Variants in SLC12A2 observed in about 807,000 individuals in gnomAD.
The protein encoded by SLC12A2 is solute carrier family 12 member 2, also known as Na-K-2Cl cotransporter 1.
In SLC12A2, 67 loss-of-function variants were observed where a neutral mutation model predicts 136.3. The observed-to-expected ratio is 0.49, with a 90% CI of 0.40 to 0.60. The LOEUF (loss-of-function observed/expected upper bound fraction) is 0.60, where lower values mean the gene tolerates loss of function less well. Among genes scored for constraint, SLC12A2 ranks in the 20% least tolerant of loss-of-function variants. The pLI, the probability that SLC12A2 is intolerant of heterozygous loss-of-function variation, is 0.00. For synonymous variants in SLC12A2, 619 were observed against 562.9 expected (o/e 1.10, Z -1.41); for missense variants, 1,322 against 1,534.7 (o/e 0.86, Z 2.32).
chr5:128,161,294 A>T lies in SLC12A2; in HGVS notation c.2476-366A>T, dbSNP rs983144550. Among the ~76,000 whole-genome samples, 10 of 152,334 alleles carry T rather than the reference A, an allele frequency of 6.6e-5. No homozygotes were observed. In the South Asian group the frequency reaches 8.3e-4, roughly 13 times the overall value. On this transcript the variant is annotated intron_variant, in intron 16 of 26. Coordinates refer to ENST00000262461, the MANE Select transcript of SLC12A2 (RefSeq NM_001046.3). ...AATAACACAGACATTTGGGAGTAAC[A>T]AAAACAAAACTAGGGAAACTTTCTG...
intron 15 of SLC12A2, among the ~76,000 whole-genome samples, chr5:128,155,292 G>A (rs541768380): frequency 7.9e-6 from 1 of 127,324 alleles, no homozygotes; most frequent in East Asian, 2.2e-4. Flanking sequence ...CCACAGATAA[G>A]GGGGGCTAGT....
At position 128,127,738 on chromosome 5, in the gene SLC12A2, T is replaced by G. The variant is rs548695979; in HGVS notation, c.1049-3329T>G. Among the ~76,000 whole-genome samples, 145 of 152,252 alleles carry G rather than the reference T, an allele frequency of 9.5e-4. 1 individual carries two copies. Among genetic ancestry groups the G allele is most frequent in the African/African-American group, 3.3e-3 (139 of 41,564 alleles). On this transcript the variant is annotated intron_variant, in intron 4 of 26. Coordinates refer to ENST00000262461, the MANE Select transcript of SLC12A2 (RefSeq NM_001046.3). Reference sequence around the variant, plus strand: ...TAATCAAGTCATTTAATATATTACCTTCTTAACTTTTTGATGCAATAGGAT... The same window carrying G: ...TAATCAAGTCATTTAATATATTACCGTCTTAACTTTTTGATGCAATAGGAT...
chr5:128,155,370 G>A (rs1002383608), intron 15 of SLC12A2, among the ~76,000 whole-genome samples: 20 of 151,986 alleles, frequency 1.3e-4, no homozygotes, highest in Non-Finnish European at 2.9e-5. Flanking sequence ...CCTACCACAT[G>A]CATGCATCCT....
chr5:128,084,527 C>CAGT lies in SLC12A2; in HGVS notation c.573_574insAGT (p.Gly191_Gly192insSer). 1 of 1,613,620 alleles carries CAGT rather than the reference C, an allele frequency of 6.2e-7. No individual in the cohort carries two copies. Among genetic ancestry groups the CAGT allele is most frequent in the Middle Eastern group, 1.6e-4 (1 of 6,062 alleles). ...GCAGCCTGCACTCCGGCGGCGGCGGCGGCAGTGGGCACCACCAGCACTACT... is the reference window on the plus strand; with the variant it reads ...GCAGCCTGCACTCCGGCGGCGGCGGCAGTGGCAGTGGGCACCACCAGCACTACT... On this transcript the variant is annotated inframe_insertion, in exon 1 of 27. Coordinates refer to ENST00000262461, the MANE Select transcript of SLC12A2 (RefSeq NM_001046.3). This position sits in a 1 kb window ranked among gnomAD's most constrained non-coding sequence, Gnocchi z 5.6.
chr5:128,166,942 G>A (rs1763224264), intron 17 of SLC12A2, among the ~76,000 whole-genome samples: 1 of 151,904 alleles, frequency 6.6e-6, no homozygotes, highest in South Asian at 2.1e-4. Flanking sequence ...CTCTGTGTCT[G>A]CAGGTTCCAC....
intron 7 of SLC12A2, among the ~76,000 whole-genome samples, chr5:128,136,221 A>T (rs1177959582): frequency 6.6e-6 from 1 of 152,100 alleles, no homozygotes; most frequent in Non-Finnish European, 1.5e-5. Context: ...TCAAGAGTGC[A>T]GGCCATTTGA....
chr5:128,110,507 A>G, intron 1 of SLC12A2: 2 of 1,433,208 alleles, frequency 1.4e-6, no homozygotes, highest in South Asian at 1.1e-5. Context: ...TTCTTCTTTA[A>G]ACATGATGAA....
chr5:128,099,753 C>T (rs914006632), intron 1 of SLC12A2, among the ~76,000 whole-genome samples: 3 of 152,056 alleles, frequency 2.0e-5, no homozygotes, highest in Non-Finnish European at 4.4e-5. Flanking sequence ...CACACATTAG[C>T]CTAAGCCTAT....
At chr5:128,125,409 A>G (rs553931897) in intron 4 of SLC12A2, among the ~76,000 whole-genome samples, 25 of 152,284 alleles carry the variant, frequency 1.6e-4, no homozygotes, top group African/African-American at 4.8e-4. Context: ...TTGATGTTCA[A>G]TGATGAGGAG....
intron 17 of SLC12A2, among the ~76,000 whole-genome samples, chr5:128,167,541 G>C (rs951621253): frequency 6.6e-5 from 10 of 151,916 alleles, no homozygotes; most frequent in African/African-American, 2.4e-4. Context: ...AATTTTTCAA[G>C]TGTTTTATTT....
At position 128,147,650 on chromosome 5, in the gene SLC12A2, C is replaced by A; in HGVS notation, c.1802C>A (p.Pro601Gln). 1 of 1,608,780 alleles carries A rather than the reference C, an allele frequency of 6.2e-7. No homozygotes were observed. The highest frequency in any genetic ancestry group is 8.5e-7 in the Non-Finnish European group (1 of 1,176,324). Residue 601 changes from proline to glutamine, a missense_variant, in exon 11 of 27, where the codon CCA becomes CAA. Pro to Gln is a moderately conservative substitution (Grantham distance 76, BLOSUM62 -1). Around this residue, in one of 8 missense-constraint regions of SLC12A2, gnomAD observed 294 missense variants for 436.6 expected, o/e 0.67. Transcript: ENST00000262461. ...ATGAGTATGGTGTCAGGATTTACAC[C>A]ACTAATTTCTGCAGGTATATTTTCA... ...QVMSMVSGFTPLISAGIFSAT... is the reference protein window; with the variant it reads ...QVMSMVSGFTQLISAGIFSAT...
intron 24 of SLC12A2, 119 bp downstream of exon 24, chr5:128,183,060 T>A (rs1033820252): frequency 1.5e-5 from 9 of 582,430 alleles, no homozygotes; most frequent in African/African-American, 9.4e-5. Context: ...GTCAATATTT[T>A]AAAAAATCTA....
chr5:128,108,734 T>G (rs879757218), intron 1 of SLC12A2, among the ~76,000 whole-genome samples: 7 of 152,228 alleles, frequency 4.6e-5, no homozygotes, highest in Non-Finnish European at 8.8e-5. Flanking sequence ...TTTGTAGATA[T>G]ACGAAAAATC....
rs1231586729 is a variant in SLC12A2, at chr5:128,186,775, G to C, written c.*144G>C. The stretch of plus-strand genomic sequence containing the variant: ...CATTAATTTGAAAGCACACAGGAAA[G>C]TTGCTCCATTGATAACGTGTATGGA... On this transcript the variant is annotated 3_prime_UTR_variant, in exon 27 of 27. Transcript: ENST00000262461. 4 of 854,222 alleles carry C rather than the reference G, an allele frequency of 4.7e-6. No individual in the cohort carries two copies. The highest frequency in any genetic ancestry group is 5.4e-6 in the Non-Finnish European group (3 of 556,600). 52.9% of individuals were successfully genotyped at this position (854,222 alleles called of 1,614,324 possible).
At chr5:128,110,343 GA>G in intron 1 of SLC12A2, 1 of 941,146 alleles carries the variant, frequency 1.1e-6, no homozygotes, top group Non-Finnish European at 1.8e-6. Context: ...GGTAAGTCTG[GA>G]TATGATGTCT....
chr5:128,158,450 G>C (rs374866906), intron 16 of SLC12A2, among the ~76,000 whole-genome samples: 1 of 152,120 alleles, frequency 6.6e-6, no homozygotes, highest in Non-Finnish European at 1.5e-5. Context: ...TGAACATGTG[G>C]TATTTTGTTT....
chr5:128,083,883 G>A lies in SLC12A2; in HGVS notation c.-72G>A, dbSNP rs933093712. ...GGTCTTGCGGCTGTGGCCACCGCCG[G>A]CCAGGGGTGTGGAGGGCGTGCTGCC... is the stretch of plus-strand genomic sequence containing the variant. On this transcript the variant is annotated 5_prime_UTR_variant, in exon 1 of 27. Coordinates refer to ENST00000262461, the MANE Select transcript of SLC12A2 (RefSeq NM_001046.3). 8.0e-6 allele frequency: 9 copies of A among 1,123,078 alleles called. No homozygotes were observed. Among genetic ancestry groups the A allele is most frequent in the Middle Eastern group, 3.4e-4 (1 of 2,950 alleles). The allele number at this position is 1,123,078 out of a possible 1,614,324, so 69.6% of individuals were successfully genotyped here. A position where few individuals can be genotyped will look rare whatever the true frequency, so the allele number is the denominator to read the frequency against.
At chr5:128,110,520 C>A in intron 1 of SLC12A2, 1 of 1,423,114 alleles carries the variant, frequency 7.0e-7, no homozygotes, top group Non-Finnish European at 9.9e-7. Context: ...ATGATGAAAA[C>A]CTGTATGGTC....
intron 1 of SLC12A2, among the ~76,000 whole-genome samples, chr5:128,086,148 G>C (rs1760092400): frequency 6.6e-6 from 1 of 152,198 alleles, no homozygotes; most frequent in Non-Finnish European, 1.5e-5. Flanking sequence ...TATGTGAGCA[G>C]TAAAGTGATC....
Sources: gnomAD v4.1 joint callset for allele counts (sites outside exome capture counted in the v4.1 genomes callset) on GRCh38, gnomAD v4.1.1 for gene constraint, gnomAD v4.1.1 regional missense constraint, Gnocchi (gnomAD v3.1) non-coding constraint, MANE v1.5 for transcripts, NCBI Gene and HGNC (gene_info 2026-07-23, HGNC 2026-07-21) for gene names.